The following MYCBP2 variants were observed in gnomAD, a reference collection of about 807,000 sequenced individuals.
MYCBP2 encodes the protein MYC binding protein 2, also known as E3 ubiquitin-protein ligase MYCBP2.
MYCBP2 carries 120 observed loss-of-function variants against 525.3 expected under a neutral mutation model. That is an observed-to-expected ratio of 0.23 (90% CI 0.20 to 0.27). The LOEUF (loss-of-function observed/expected upper bound fraction) is 0.27, where lower values mean the gene tolerates loss of function less well. Among genes scored for constraint, MYCBP2 ranks in the 10% least tolerant of loss-of-function variants. MYCBP2 has a pLI of 1.00. For synonymous variants in MYCBP2, 1,894 were observed against 1,955.8 expected, an observed-to-expected ratio of 0.97 and a Z score of 0.83; for missense variants, 4,149 against 5,657.1, an observed-to-expected ratio of 0.73 and a Z score of 8.55.
intron 3 of MYCBP2, among the ~76,000 whole-genome samples, chr13:77,286,089 G>A (rs2076726927): frequency 6.6e-6 from 1 of 152,160 alleles, no homozygotes; most frequent in African/African-American, 2.4e-5. Flanking sequence ...TATGAAGCAA[G>A]CCATCTGCCG....
intron 55 of MYCBP2, chr13:77,110,118 G>T (rs1279142003): frequency 6.6e-6 from 1 of 152,202 alleles, no homozygotes; most frequent in African/African-American, 2.4e-5. Flanking sequence ...ACTGCCTGCG[G>T]GGTTAGGCAG....
rs781466257 is a variant in MYCBP2 at position 77,077,321 on chromosome 13, T to C, written c.11551A>G (p.Ile3851Val). The change falls in exon 67 of 83, where the codon ATA becomes GTA. Residue 3851 changes from isoleucine (I) to valine (V), a missense_variant. Ile to Val is a conservative substitution (Grantham distance 29). Coordinates refer to ENST00000544440, the MANE Select transcript of MYCBP2 (RefSeq NM_015057.5). ...TCTGGGCCTTTTAATTCAATTTTTA[T>C]GATGTGATTATCCCCTCCTGGAAGT... ...SELPGGDNHIIKIELKGPENT... is the reference protein window; with the variant it reads ...SELPGGDNHIVKIELKGPENT... 4.3e-6 allele frequency: 7 copies of C among 1,613,902 alleles called. No individual in the cohort carries two copies. The East Asian group carries it at 8.9e-5, about 21-fold the overall frequency.
chr13:77,057,881 A>G (rs1324849654), intron 78 of MYCBP2, among the ~76,000 whole-genome samples: 15 of 132,218 alleles, frequency 1.1e-4, no homozygotes, highest in Non-Finnish European at 2.3e-4. Context: ...CTCTGTCACC[A>G]GGCTGCAGTG....
intron 7 of MYCBP2, among the ~76,000 whole-genome samples, chr13:77,268,577 C>T (rs1483775313): frequency 1.3e-5 from 2 of 151,964 alleles, no homozygotes; most frequent in East Asian, 3.9e-4. Flanking sequence ...ATTAAGAGTT[C>T]GAGACAAGCC....
Position 77,273,676 on chromosome 13 carries a change from T to C in MYCBP2, c.749-8A>G. On this transcript the variant is annotated splice_polypyrimidine_tract_variant and splice_region_variant and intron_variant, in intron 4 of 82. Coordinates refer to ENST00000544440, the MANE Select transcript of MYCBP2 (RefSeq NM_015057.5). Reference sequence around the variant, plus strand: ...GAAGCTGGAAGAGAGACTCTGTGGATAAAATAGAATTCAATTATATTCATC... The same window carrying C: ...GAAGCTGGAAGAGAGACTCTGTGGACAAAATAGAATTCAATTATATTCATC... The C allele has an allele frequency of 6.8e-7, 1 of 1,478,566 alleles. No homozygotes were observed. The allele number at this position is 1,478,566 out of a possible 1,614,324, so 91.6% of individuals were successfully genotyped here.
intron 55 of MYCBP2, among the ~76,000 whole-genome samples, chr13:77,108,412 C>T (rs1229949753): frequency 6.6e-6 from 1 of 152,118 alleles, no homozygotes; most frequent in African/African-American, 2.4e-5. Flanking sequence ...GAAAGAATAA[C>T]TTCAAAATAT....
intron 71 of MYCBP2, 21 bp downstream of exon 71, chr13:77,067,560 A>T: frequency 6.2e-7 from 1 of 1,612,016 alleles, no homozygotes; most frequent in Non-Finnish European, 8.5e-7. Flanking sequence ...TTTTGGTACT[A>T]AAATAGAGGC....
chr13:77,190,325 G>C lies in MYCBP2; in HGVS notation c.4081C>G (p.Gln1361Glu), dbSNP rs140746287. 1 of 1,603,018 alleles carries C rather than the reference G, an allele frequency of 6.2e-7. No homozygotes were observed. Among genetic ancestry groups the C allele is most frequent in the East Asian group, 2.2e-5 (1 of 44,674 alleles). The change falls in exon 29 of 83, where the codon CAG becomes GAG. Residue 1361 changes from glutamine (Q) to glutamate (E), a missense_variant. By Grantham distance (29) the Gln-to-Glu change is conservative. Around this residue, in one of 21 missense-constraint regions of MYCBP2, gnomAD observed 620 missense variants for 795.5 expected, o/e 0.78. Coordinates refer to ENST00000544440, the MANE Select transcript of MYCBP2 (RefSeq NM_015057.5). ...SITTDDGVVF[Q>E]FKSSKKSNNG... ...TTTGATTTCTTTGAACTCTTGAACT[G>C]GAAAACAACCCTAAGAAGAGAAAAC...
intron 26 of MYCBP2, among the ~76,000 whole-genome samples, chr13:77,195,999 C>G (rs954125003): frequency 1.1e-4 from 17 of 152,150 alleles, no homozygotes; most frequent in African/African-American, 4.1e-4. Context: ...CATAAAGGGG[C>G]AAACAATACA....
intron 62 of MYCBP2, among the ~76,000 whole-genome samples, chr13:77,084,667 T>C (rs570987102): frequency 6.6e-6 from 1 of 152,198 alleles, no homozygotes; most frequent in Non-Finnish European, 1.5e-5. Flanking sequence ...TTCATCACGC[T>C]CACCCCACCT....
chr13:77,221,537 C>G (rs2065568053), intron 20 of MYCBP2, among the ~76,000 whole-genome samples: 1 of 152,140 alleles, frequency 6.6e-6, no homozygotes, highest in African/African-American at 2.4e-5. Flanking sequence ...CACTACTTCC[C>G]TTTCCACTCT....
At chr13:77,307,082 C>G (rs2079523845) in intron 1 of MYCBP2, among the ~76,000 whole-genome samples, 2 of 151,994 alleles carry the variant, frequency 1.3e-5, no homozygotes, top group African/African-American at 4.8e-5. Context: ...ATCTAGAAAA[C>G]AGATCAGAAA....
chr13:77,225,575 G>A, intron 18 of MYCBP2, 21 bp from the exon 19 acceptor site: 1 of 1,610,884 alleles, frequency 6.2e-7, no homozygotes, highest in African/African-American at 1.3e-5. Flanking sequence ...TATAATTTGT[G>A]AATTATGATT....
intron 4 of MYCBP2, 149 bp downstream of exon 4, chr13:77,278,609 G>A: frequency 1.8e-6 from 1 of 540,764 alleles, no homozygotes; most frequent in South Asian, 9.3e-5. Flanking sequence ...ATAAAATGTG[G>A]ACTAATTAAC....
chr13:77,094,462 G>T (rs551523254), intron 58 of MYCBP2, among the ~76,000 whole-genome samples: 1 of 152,230 alleles, frequency 6.6e-6, no homozygotes, highest in South Asian at 2.1e-4. Context: ...GTATTTCTCT[G>T]TTTAAAATTC....
At chr13:77,087,125 A>G (rs1372227311) in intron 62 of MYCBP2, among the ~76,000 whole-genome samples, 1 of 152,180 alleles carries the variant, frequency 6.6e-6, no homozygotes, top group Non-Finnish European at 1.5e-5. Flanking sequence ...ATCCTTGGAA[A>G]TTAACCTAAA....
Position 77,233,189 on chromosome 13 carries a change from C to T in MYCBP2, c.2704G>A (p.Ala902Thr). The change falls in exon 18 of 83, where the codon GCA becomes ACA. Residue 902 changes from alanine to threonine, a missense_variant. Ala to Thr is a moderately conservative substitution (Grantham distance 58). Transcript: ENST00000544440. ...QALARLRSHP[A>T]QLKHKRDKHK... ...TTGTCCCGTTTATGCTTTAGCTGTG[C>T]TGGATGGGATCTGAGTCTGGCTAGA... is the stretch of plus-strand genomic sequence containing the variant. 2 of 1,613,632 alleles carry T rather than the reference C, an allele frequency of 1.2e-6. No individual in the cohort carries two copies. The highest frequency in any genetic ancestry group is 1.3e-5 in the African/African-American group (1 of 74,980).
intron 55 of MYCBP2, 58 bp downstream of exon 55, chr13:77,121,315 G>A: frequency 7.3e-7 from 1 of 1,376,628 alleles, no homozygotes; most frequent in Non-Finnish European, 9.7e-7. Context: ...GTATAAAAGA[G>A]AAGGTAATAA....
chr13:77,255,699 G>A (rs1335951242), intron 14 of MYCBP2, among the ~76,000 whole-genome samples: 1 of 151,558 alleles, frequency 6.6e-6, no homozygotes, highest in Non-Finnish European at 1.5e-5. Flanking sequence ...CTAGTAACTT[G>A]CTCATTTTTA....
Sources: allele counts gnomAD v4.1 joint callset (sites outside exome capture counted in the v4.1 genomes callset), GRCh38; gene constraint gnomAD v4.1.1; regional missense constraint gnomAD v4.1.1; transcripts MANE v1.5; gene names NCBI Gene and HGNC (gene_info 2026-07-23, HGNC 2026-07-21).